The following POF1B variants were observed in gnomAD, a reference collection of about 807,000 sequenced individuals.
The protein encoded by POF1B is POF1B actin binding protein.
POF1B carries 53 observed loss-of-function variants against 55.3 expected under a neutral mutation model. That is an observed-to-expected ratio of 0.96 (90% confidence interval 0.77 to 1.20). The LOEUF (loss-of-function observed/expected upper bound fraction) is 1.20, where lower values mean the gene tolerates loss of function less well. Ranked by LOEUF, POF1B falls within the 50% of genes most tolerant of loss-of-function variation. POF1B has a pLI of 0.00. For missense variants in POF1B, 478 were observed against 420.5 expected (o/e 1.14, Z -1.20); for synonymous variants, 188 against 148.3 (o/e 1.27, Z -1.95).
At chrX:85,286,366 A>G (rs1932055099) in intron 15 of POF1B, among the ~76,000 whole-genome samples, 1 of 111,468 alleles carries the variant, frequency 9.0e-6, no homozygotes. Context: ...AATTCATCCA[A>G]AAGAAGAGAG....
At chrX:85,288,322 A>G (rs1036672446) in intron 15 of POF1B, among the ~76,000 whole-genome samples, 1 of 110,933 alleles carries the variant, frequency 9.0e-6, no homozygotes, top group African/African-American at 3.3e-5. Flanking sequence ...TGTAGAATGG[A>G]AACTCTATAC....
intron 8 of POF1B, among the ~76,000 whole-genome samples, chrX:85,315,099 A>C (rs973437764): frequency 1.8e-5 from 2 of 111,556 alleles, no homozygotes; most frequent in African/African-American, 3.2e-5. Context: ...AATTGTAATG[A>C]ATGCAGTATG....
At chrX:85,312,043 T>A (rs982677727) in intron 9 of POF1B, among the ~76,000 whole-genome samples, 25 of 112,280 alleles carry the variant, frequency 2.2e-4, no homozygotes, top group African/African-American at 8.1e-4. Context: ...TCTTGTAAAT[T>A]TGTTTAAATT....
intron 3 of POF1B, among the ~76,000 whole-genome samples, chrX:85,363,741 T>A (rs1407909797): frequency 1.8e-5 from 2 of 111,126 alleles, no homozygotes; most frequent in Non-Finnish European, 3.8e-5. Flanking sequence ...GAGAGGAGAG[T>A]TCCGTAGAGG....
At chrX:85,365,421 C>A (rs1933702669) in intron 3 of POF1B, among the ~76,000 whole-genome samples, 3 of 111,570 alleles carry the variant, frequency 2.7e-5, no homozygotes, top group African/African-American at 9.8e-5. Context: ...TGACTACAGT[C>A]AATAGACTTC....
rs777557811 is a variant in POF1B, at chrX:85,308,119, C to A, written c.1050+5G>T. ...GGCTTTGGAAAAAATCAAAATAAATCTTACTGTCATATCATTTTGAAGATG... is the reference window on the plus strand; with the variant it reads ...GGCTTTGGAAAAAATCAAAATAAATATTACTGTCATATCATTTTGAAGATG... On this transcript the variant is annotated splice_donor_5th_base_variant and intron_variant, in intron 10 of 16. Coordinates refer to ENST00000262753, the MANE Select transcript of POF1B (RefSeq NM_024921.4). 4 of 1,148,758 alleles carry A rather than the reference C, an allele frequency of 3.5e-6. No individual in the cohort carries two copies. The South Asian group carries it at 7.8e-5, about 22-fold the overall frequency. The allele number at this position is 1,148,758 out of a possible 1,213,427, so 94.7% of individuals were successfully genotyped here. A position where few individuals can be genotyped will look rare whatever the true frequency, so the allele number is the denominator to read the frequency against.
At chrX:85,344,336 T>C (rs1933229536) in intron 6 of POF1B, among the ~76,000 whole-genome samples, 1 of 111,551 alleles carries the variant, frequency 9.0e-6, no homozygotes, top group African/African-American at 3.2e-5. Context: ...ATACCATATA[T>C]AGAAATTCTG....
In POF1B at chrX:85,379,467, G is replaced by T. The variant is rs1217793780; in HGVS notation, c.-13C>A. On this transcript the variant is annotated 5_prime_UTR_variant, in exon 2 of 17. Coordinates refer to ENST00000262753, the MANE Select transcript of POF1B (RefSeq NM_024921.4). ...AGCTCGAGCTCATCTTCTTCCAGTGGTCAGCAAGGGACCTCCCAGATGTTC... is the reference window on the plus strand; with the variant it reads ...AGCTCGAGCTCATCTTCTTCCAGTGTTCAGCAAGGGACCTCCCAGATGTTC... The T allele has an allele frequency of 8.3e-7, 1 of 1,205,298 alleles. No homozygotes were observed. Among genetic ancestry groups the T allele is most frequent in the Non-Finnish European group, 1.1e-6 (1 of 893,105 alleles).
intron 15 of POF1B, among the ~76,000 whole-genome samples, chrX:85,286,255 G>A (rs751740379): frequency 1.3e-4 from 14 of 110,246 alleles, no homozygotes; most frequent in Admixed American, 5.9e-4. Flanking sequence ...ATTGGAAGTC[G>A]GCAGTGATCA....
At position 85,278,939 on chromosome X, in the gene POF1B, A is replaced by G. The variant is rs1162946167; in HGVS notation, c.*482T>C. 1 of 112,042 alleles carries G rather than the reference A, an allele frequency of 8.9e-6. No homozygotes were observed. Among genetic ancestry groups the G allele is most frequent in the African/African-American group, 3.2e-5 (1 of 30,785 alleles). The allele number at this position is 112,042 out of a possible 1,213,427, so 9.2% of individuals were successfully genotyped here. A position where few individuals can be genotyped will look rare whatever the true frequency, so the allele number is the denominator to read the frequency against. ...ACTGTGAAAAGCAAATACAGACTGT[A>G]TATATTATATACTAGCTGTTATTTT... On this transcript the variant is annotated 3_prime_UTR_variant, in exon 17 of 17. Coordinates refer to ENST00000262753, the MANE Select transcript of POF1B (RefSeq NM_024921.4).
intron 9 of POF1B, among the ~76,000 whole-genome samples, chrX:85,309,973 C>T (rs1207227589): frequency 3.6e-5 from 4 of 112,061 alleles, no homozygotes; most frequent in Non-Finnish European, 5.6e-5. Context: ...GGGGGAACCT[C>T]AACTTCCACC....
chrX:85,364,152 G>T (rs1933675562), intron 3 of POF1B, among the ~76,000 whole-genome samples: 1 of 110,789 alleles, frequency 9.0e-6, no homozygotes, highest in Non-Finnish European at 1.9e-5. Context: ...TAAGTGAGAT[G>T]GGTCTCTTGA....
intron 7 of POF1B, among the ~76,000 whole-genome samples, chrX:85,322,385 A>C (rs1932847857): frequency 9.0e-6 from 1 of 111,264 alleles, no homozygotes; most frequent in African/African-American, 3.3e-5. Context: ...AAAACTGGCT[A>C]GTCATATGTA....
chrX:85,320,219 G>A (rs1327948701), intron 7 of POF1B, among the ~76,000 whole-genome samples: 1 of 110,518 alleles, frequency 9.0e-6, no homozygotes. Flanking sequence ...ATTTCTGATT[G>A]CATTTATTCG....
At position 85,278,571 on chromosome X, in the gene POF1B, A is replaced by G. The variant is rs1931827476; in HGVS notation, c.*850T>C. ...AATCTATCAAGTATTTGTTGCTGCTATTTTTATTCCCTAAGTCTTTATATC... is the reference window on the plus strand; with the variant it reads ...AATCTATCAAGTATTTGTTGCTGCTGTTTTTATTCCCTAAGTCTTTATATC... On this transcript the variant is annotated 3_prime_UTR_variant, in exon 17 of 17. Transcript: ENST00000262753. 1 of 111,404 alleles carries G rather than the reference A, an allele frequency of 9.0e-6. No individual in the cohort carries two copies. The highest frequency in any genetic ancestry group is 2.8e-4 in the East Asian group (1 of 3,520). The allele number at this position is 111,404 out of a possible 1,213,427, so 9.2% of individuals were successfully genotyped here. A position where few individuals can be genotyped will look rare whatever the true frequency, so the allele number is the denominator to read the frequency against.
chrX:85,302,378 C>T (rs1482455326), intron 15 of POF1B, among the ~76,000 whole-genome samples: 1 of 111,541 alleles, frequency 9.0e-6, no homozygotes, highest in East Asian at 2.8e-4. Flanking sequence ...CAAATCAAAA[C>T]TCCAATTGGA....
In POF1B at chrX:85,297,475, T is replaced by G. The variant is rs6623257; in HGVS notation, c.1649+5931A>C. Among the ~76,000 whole-genome samples the G allele has an allele frequency of 2.1e-4, 24 of 112,195 alleles. No individual in the cohort carries two copies. The East Asian group carries it at 5.9e-3, about 28-fold the overall frequency. ...GTTAATTAGCTTTGTTTCTAGGTGC[T>G]TCCAGAGGGCCAAGGCTCTGTATGG... On this transcript the variant is annotated intron_variant, in intron 15 of 16. Transcript: ENST00000262753.
intron 3 of POF1B, among the ~76,000 whole-genome samples, chrX:85,362,879 C>A (rs1438735684): frequency 9.0e-6 from 1 of 110,701 alleles, no homozygotes; most frequent in East Asian, 2.8e-4. Context: ...TGGTCCTGGG[C>A]TTTTTTTGGT....
chrX:85,333,373 C>T (rs113962671), intron 6 of POF1B, among the ~76,000 whole-genome samples: 1 of 111,249 alleles, frequency 9.0e-6, no homozygotes, highest in Admixed American at 9.6e-5. Context: ...CTTGTTTTCT[C>T]AGCACCCTCT....
Sources: allele counts gnomAD v4.1 joint callset (sites outside exome capture counted in the v4.1 genomes callset), GRCh38; gene constraint gnomAD v4.1.1; transcripts MANE v1.5; gene names NCBI Gene and HGNC (gene_info 2026-07-23, HGNC 2026-07-21).